The following ACAP2 variants were observed in gnomAD, a reference collection of about 807,000 sequenced individuals.
ACAP2 encodes the protein ArfGAP with coiled-coil, ankyrin repeat and PH domains 2, also known as arf-GAP with coiled-coil, ANK repeat and PH domain-containing protein 2.
A neutral mutation model predicts 115.8 loss-of-function variants in ACAP2; 39 were observed. The ratio of observed to expected loss-of-function variants is 0.34; its 90% CI spans 0.26 to 0.44. ACAP2 has a LOEUF of 0.44. Among genes scored for constraint, ACAP2 ranks in the 20% least tolerant of loss-of-function variants. ACAP2 has a pLI of 1.00. For synonymous variants in ACAP2, 289 were observed against 315.8 expected (o/e 0.92, Z 0.90); for missense variants, 662 against 927.6 (o/e 0.71, Z 3.72).
chr3:195,350,656 A>AG lies in ACAP2; in HGVS notation c.286-5340_286-5339insC, dbSNP rs112875390. 2.6e-4 allele frequency among the ~76,000 whole-genome samples: 39 copies of AG among 151,960 alleles called. 1 individual carries two copies. The highest frequency in any genetic ancestry group is 8.7e-4 in the African/African-American group (36 of 41,464). ...AAAGCAAGACTGTCTCAGGAAAAAA[A>AG]AAAAAAGAAAAAAGACAAGCAAAAA... On this transcript the variant is annotated intron_variant, in intron 4 of 22. Coordinates refer to ENST00000326793, the MANE Select transcript of ACAP2 (RefSeq NM_012287.6).
chr3:195,389,068 A>G (rs1169590208), intron 2 of ACAP2, among the ~76,000 whole-genome samples: 1 of 151,996 alleles, frequency 6.6e-6, no homozygotes, highest in African/African-American at 2.4e-5. Context: ...AGAATTTGGA[A>G]GAGGTACGAA....
chr3:195,405,596 G>A (rs1712698015), intron 1 of ACAP2, among the ~76,000 whole-genome samples: 1 of 151,744 alleles, frequency 6.6e-6, no homozygotes, highest in Non-Finnish European at 1.5e-5. Flanking sequence ...TGAGGCAGGA[G>A]AATTGCTTGA....
chr3:195,338,817 T>C (rs1008243960), intron 6 of ACAP2, among the ~76,000 whole-genome samples: 3 of 152,148 alleles, frequency 2.0e-5, no homozygotes, highest in Admixed American at 6.5e-5. Flanking sequence ...CAAAAGATTA[T>C]ACAATATCTT....
chr3:195,411,266 AT>A (rs763458233), intron 1 of ACAP2, among the ~76,000 whole-genome samples: 3 of 152,204 alleles, frequency 2.0e-5, no homozygotes, highest in Non-Finnish European at 4.4e-5. Context: ...TGATCTAGCT[AT>A]TCCACTTCTG....
chr3:195,308,854 TAG>T lies in ACAP2; in HGVS notation c.858-19_858-18del. The T allele has an allele frequency of 1.3e-6, 2 of 1,591,844 alleles. No individual in the cohort carries two copies. Among genetic ancestry groups the T allele is most frequent in the Non-Finnish European group, 8.5e-7 (1 of 1,171,286 alleles). The stretch of plus-strand genomic sequence containing the variant: ...AACCAGCGCCTACAGAAACACAAAA[TAG>T]ATTAAGTTTTCATAAACATAATTTA... On this transcript the variant is annotated intron_variant, in intron 10 of 22. Transcript: ENST00000326793.
At chr3:195,395,574 C>T (rs568212313) in intron 1 of ACAP2, among the ~76,000 whole-genome samples, 107 of 152,148 alleles carry the variant, frequency 7.0e-4, no homozygotes, top group Non-Finnish European at 1.1e-3. Flanking sequence ...TAAAGTTTTA[C>T]GGAAGCAGAG....
chr3:195,352,096 G>A (rs558411736), intron 4 of ACAP2, among the ~76,000 whole-genome samples: 27 of 152,250 alleles, frequency 1.8e-4, no homozygotes, highest in Non-Finnish European at 3.5e-4. Context: ...CACATATAAC[G>A]GTGGTCCCAT....
Position 195,386,177 on chromosome 3 carries a change from C to G in ACAP2, c.112-4155G>C, listed in dbSNP as rs1435035719. Among the ~76,000 whole-genome samples, 3 of 152,080 alleles carry G rather than the reference C, an allele frequency of 2.0e-5. No homozygotes were observed. In the East Asian group the frequency reaches 5.8e-4, roughly 29 times the overall value. ...TATTATTCCATTTATTTGAAATGTT[C>G]AGAATAGGCAAATCCAGGGACAGAA... On this transcript the variant is annotated intron_variant, in intron 2 of 22. Transcript: ENST00000326793.
intron 3 of ACAP2, 66 bp downstream of exon 3, chr3:195,381,837 G>C: frequency 6.6e-7 from 1 of 1,525,804 alleles, no homozygotes; most frequent in Non-Finnish European, 8.8e-7. Flanking sequence ...GTAGATGAAT[G>C]CACAATTCTT....
intron 4 of ACAP2, among the ~76,000 whole-genome samples, chr3:195,358,726 G>A (rs12486536): frequency 0.021 from 3,263 of 151,976 alleles, 115 homozygotes; most frequent in East Asian, 0.1. Flanking sequence ...TCTAGAAAAC[G>A]GCCTCAATAG....
chr3:195,287,338 C>A (rs528374991), intron 21 of ACAP2, among the ~76,000 whole-genome samples: 1 of 152,112 alleles, frequency 6.6e-6, no homozygotes, highest in Non-Finnish European at 1.5e-5. Context: ...GATCACATTA[C>A]ATTTTATTCA....
intron 21 of ACAP2, among the ~76,000 whole-genome samples, chr3:195,287,059 G>T (rs962656269): frequency 1.3e-5 from 2 of 152,186 alleles, no homozygotes; most frequent in African/African-American, 4.8e-5. Flanking sequence ...TGGCAGAGGG[G>T]TGACATATGA....
intron 1 of ACAP2, among the ~76,000 whole-genome samples, chr3:195,420,328 T>C (rs541642880): frequency 1.3e-5 from 2 of 152,280 alleles, no homozygotes; most frequent in African/African-American, 4.8e-5. Context: ...TTCATTTTCA[T>C]TATATCTTTT....
chr3:195,397,820 T>C (rs1400614516), intron 1 of ACAP2, among the ~76,000 whole-genome samples: 1 of 152,032 alleles, frequency 6.6e-6, no homozygotes, highest in Non-Finnish European at 1.5e-5. Flanking sequence ...TTAAAGAAAA[T>C]GCACAATCTC....
intron 4 of ACAP2, among the ~76,000 whole-genome samples, chr3:195,374,376 G>A (rs750353687): frequency 7.9e-5 from 12 of 152,112 alleles, no homozygotes; most frequent in African/African-American, 2.2e-4. Context: ...GGGGCTGATC[G>A]AGACTCCATC....
intron 4 of ACAP2, among the ~76,000 whole-genome samples, chr3:195,379,536 G>GT (rs1733807889): frequency 6.6e-6 from 1 of 152,138 alleles, no homozygotes; most frequent in Non-Finnish European, 1.5e-5. Context: ...GCTCACACCT[G>GT]TAATCCCAGT....
At chr3:195,423,114 T>A (rs1176291717) in intron 1 of ACAP2, among the ~76,000 whole-genome samples, 1 of 152,048 alleles carries the variant, frequency 6.6e-6, no homozygotes, top group Non-Finnish European at 1.5e-5. Context: ...TAGGAGAATG[T>A]CCTTATTTTT....
intron 1 of ACAP2, among the ~76,000 whole-genome samples, chr3:195,437,381 T>G (rs577866521): frequency 1.1e-4 from 16 of 152,230 alleles, no homozygotes; most frequent in South Asian, 4.2e-4. Context: ...ACATATAGAG[T>G]AAATGAGTGA....
intron 6 of ACAP2, among the ~76,000 whole-genome samples, chr3:195,340,613 C>T (rs543588986): frequency 1.3e-5 from 2 of 152,200 alleles, no homozygotes; most frequent in Non-Finnish European, 2.9e-5. Flanking sequence ...GACCTAAAAG[C>T]AGTTTCAGAT....
Sources: gnomAD v4.1 joint callset for allele counts (sites outside exome capture counted in the v4.1 genomes callset) on GRCh38, gnomAD v4.1.1 for gene constraint, MANE v1.5 for transcripts, NCBI Gene and HGNC (gene_info 2026-07-23, HGNC 2026-07-21) for gene names.